Variants in TMTC2 observed in about 807,000 individuals in gnomAD.
TMTC2 encodes transmembrane O-mannosyltransferase targeting cadherins 2, also known as protein O-mannosyl-transferase TMTC2.
Under a neutral mutation model 82.4 loss-of-function variants are expected in TMTC2, and 43 were observed. The ratio of observed to expected loss-of-function variants is 0.52; its 90% CI spans 0.41 to 0.67. TMTC2 has a LOEUF of 0.67. Ranked by LOEUF, TMTC2 falls within the 30% of genes least tolerant of loss-of-function variation. TMTC2 has a pLI of 0.00. For synonymous variants in TMTC2, 408 were observed against 381.9 expected (o/e 1.07, Z -0.80); for missense variants, 919 against 1,012.4 (o/e 0.91, Z 1.25).
chr12:82,690,006 C>T (rs1364946989), intron 1 of TMTC2, among the ~76,000 whole-genome samples: 1 of 152,142 alleles, frequency 6.6e-6, no homozygotes, highest in African/African-American at 2.4e-5. Context: ...GAGCAGCAAA[C>T]TTTGTTTTTA....
chr12:82,893,849 G>C (rs1421965434), intron 2 of TMTC2, among the ~76,000 whole-genome samples: 1 of 152,140 alleles, frequency 6.6e-6, no homozygotes. Context: ...TAAAATTAGG[G>C]AATAAAATAA....
chr12:82,912,409 T>G (rs913162198), intron 3 of TMTC2, among the ~76,000 whole-genome samples: 1 of 152,188 alleles, frequency 6.6e-6, no homozygotes, highest in African/African-American at 2.4e-5. Flanking sequence ...TCTGCTCTTC[T>G]TACCTCTCCT....
At chr12:82,860,516 C>G (rs1230397288) in intron 2 of TMTC2, among the ~76,000 whole-genome samples, 1 of 152,192 alleles carries the variant, frequency 6.6e-6, no homozygotes, top group African/African-American at 2.4e-5. Context: ...AATCTTAACT[C>G]AACTTGGGCT....
intron 3 of TMTC2, among the ~76,000 whole-genome samples, chr12:82,903,790 G>C (rs1874156761): frequency 6.6e-6 from 1 of 152,164 alleles, no homozygotes; most frequent in African/African-American, 2.4e-5. Flanking sequence ...ATTCAGTAAT[G>C]GATATGTTCA....
intron 11 of TMTC2, among the ~76,000 whole-genome samples, chr12:83,090,700 C>T (rs2137518575): frequency 6.6e-6 from 1 of 152,290 alleles, no homozygotes; most frequent in South Asian, 2.1e-4. Flanking sequence ...TACCATTGCA[C>T]AGTTGCCTGC....
intron 9 of TMTC2, among the ~76,000 whole-genome samples, chr12:83,033,888 GTATATATATA>G (rs59068094): frequency 4.1e-5 from 6 of 146,530 alleles, no homozygotes; most frequent in African/African-American, 1.5e-4. Context: ...ATATGTGTGT[GTATATATATA>G]TATATGTATA....
intron 2 of TMTC2, among the ~76,000 whole-genome samples, chr12:82,883,694 A>C (rs1872949862): frequency 6.6e-6 from 1 of 152,214 alleles, no homozygotes; most frequent in South Asian, 2.1e-4. Flanking sequence ...ATGCATTTGC[A>C]ATGTAGTTGG....
At chr12:82,840,840 C>T (rs537232302) in intron 1 of TMTC2, among the ~76,000 whole-genome samples, 5 of 152,312 alleles carry the variant, frequency 3.3e-5, no homozygotes, top group East Asian at 1.9e-4. Context: ...AGTACAGTGG[C>T]GTGATCTTGG....
chr12:82,907,610 T>TATAG (rs1874394036), intron 3 of TMTC2, among the ~76,000 whole-genome samples: 1 of 152,164 alleles, frequency 6.6e-6, no homozygotes, highest in Non-Finnish European at 1.5e-5. Flanking sequence ...TGTGATGTAT[T>TATAG]ATAGATGAAG....
intron 9 of TMTC2, among the ~76,000 whole-genome samples, chr12:83,031,323 C>T (rs1194261044): frequency 6.6e-6 from 1 of 152,140 alleles, no homozygotes; most frequent in Non-Finnish European, 1.5e-5. Context: ...TGGATGTACA[C>T]TAGCCTGTAA....
intron 7 of TMTC2, 48 bp downstream of exon 7, chr12:82,967,045 G>A: frequency 7.1e-7 from 1 of 1,403,438 alleles, no homozygotes; most frequent in Non-Finnish European, 1.0e-6. Flanking sequence ...GGGACCTGTG[G>A]AGAAACAGGA....
At chr12:82,797,833 A>G (rs1040852943) in intron 1 of TMTC2, among the ~76,000 whole-genome samples, 2 of 147,732 alleles carry the variant, frequency 1.4e-5, no homozygotes, top group South Asian at 4.1e-4. Context: ...AAAATACTCT[A>G]AATCTTATAA....
At chr12:83,014,943 T>C (rs917351341) in intron 8 of TMTC2, among the ~76,000 whole-genome samples, 2 of 152,168 alleles carry the variant, frequency 1.3e-5, no homozygotes, top group Non-Finnish European at 2.9e-5. Flanking sequence ...GGTATGATAT[T>C]ATCCCTGTAA....
intron 4 of TMTC2, among the ~76,000 whole-genome samples, chr12:82,951,915 G>T (rs1877369325): frequency 6.6e-6 from 1 of 152,058 alleles, no homozygotes; most frequent in Non-Finnish European, 1.5e-5. Flanking sequence ...GAAAGGGAGA[G>T]AAATAGAGTA....
intron 4 of TMTC2, among the ~76,000 whole-genome samples, chr12:82,955,205 A>G (rs960347126): frequency 4.6e-5 from 7 of 152,194 alleles, no homozygotes; most frequent in African/African-American, 1.7e-4. Context: ...AATGCCAGTT[A>G]CATTCCCCAA....
rs1410477408 is a variant in TMTC2 at position 82,848,624 on chromosome 12, A to C, written c.84-8386A>C. On this transcript the variant is annotated intron_variant, in intron 1 of 11. Coordinates refer to ENST00000321196, the MANE Select transcript of TMTC2 (RefSeq NM_152588.3). ...AGTGAGTGATTTTCTCTGGACAGAC[A>C]TTCCATTTTATTGGGCAATGATTTT... is the stretch of plus-strand genomic sequence containing the variant. Among the ~76,000 whole-genome samples the C allele has an allele frequency of 3.9e-5, 6 of 152,276 alleles. No homozygotes were observed. The South Asian group carries it at 1.0e-3, about 26-fold the overall frequency.
chr12:82,931,465 G>A (rs1002686134), intron 4 of TMTC2, among the ~76,000 whole-genome samples: 1 of 152,180 alleles, frequency 6.6e-6, no homozygotes, highest in South Asian at 2.1e-4. Flanking sequence ...ACAACGAGAT[G>A]TGAGTAGATA....
intron 1 of TMTC2, among the ~76,000 whole-genome samples, chr12:82,702,081 G>T (rs904030240): frequency 1.3e-5 from 2 of 152,102 alleles, no homozygotes; most frequent in East Asian, 1.9e-4. Flanking sequence ...ATAACGATGG[G>T]GTTGGTTATA....
chr12:82,821,924 G>A (rs1054878257), intron 1 of TMTC2, among the ~76,000 whole-genome samples: 1 of 150,454 alleles, frequency 6.6e-6, no homozygotes, highest in Non-Finnish European at 1.5e-5. Flanking sequence ...TGTGTCCTCT[G>A]CCTTGTATCT....
Sources: allele counts gnomAD v4.1 joint callset (sites outside exome capture counted in the v4.1 genomes callset), GRCh38; gene constraint gnomAD v4.1.1; transcripts MANE v1.5; gene names NCBI Gene and HGNC (gene_info 2026-07-23, HGNC 2026-07-21).